The following ERBB4 variants were observed in gnomAD, a reference collection of about 807,000 sequenced individuals.
ERBB4 encodes the protein receptor tyrosine-protein kinase erbB-4.
A neutral mutation model predicts 158.0 loss-of-function variants in ERBB4; 42 were observed. The observed-to-expected ratio is 0.27, with a 90% confidence interval of 0.21 to 0.34. ERBB4 has a LOEUF of 0.34. ERBB4 is among the 10% of genes least tolerant of loss of function. ERBB4 has a pLI of 1.00. For missense variants in ERBB4, 1,333 were observed against 1,624.1 expected (o/e 0.82, Z 3.08); for synonymous variants, 583 against 558.7 (o/e 1.04, Z -0.61).
chr2:212,505,881 G>A (rs1201321867), intron 1 of ERBB4, among the ~76,000 whole-genome samples: 2 of 148,706 alleles, frequency 1.3e-5, no homozygotes, highest in Non-Finnish European at 3.0e-5. Flanking sequence ...GGTATATAGG[G>A]TAAAATAAAA....
At position 212,294,651 on chromosome 2, in the gene ERBB4, C is replaced by A. The variant is rs573628168; in HGVS notation, c.83-169748G>T. ...AACTATACTTACAATATAAAAAACT[C>A]TTCAAAAATTTACTTTTTAAAATTC... On this transcript the variant is annotated intron_variant, in intron 1 of 27. Coordinates refer to ENST00000342788, the MANE Select transcript of ERBB4 (RefSeq NM_005235.3). Among the ~76,000 whole-genome samples the A allele has an allele frequency of 1.8e-3, 277 of 152,046 alleles. 3 individuals are homozygous for A. The highest frequency in any genetic ancestry group is 6.4e-3 in the African/African-American group (265 of 41,518).
At chr2:211,959,007 T>C (rs1311012215) in intron 2 of ERBB4, among the ~76,000 whole-genome samples, 2 of 152,114 alleles carry the variant, frequency 1.3e-5, no homozygotes, top group African/African-American at 4.8e-5. Context: ...AAATTAATAA[T>C]GCAAATATAA....
At chr2:212,316,219 T>C (rs539411741) in intron 1 of ERBB4, among the ~76,000 whole-genome samples, 9 of 151,566 alleles carry the variant, frequency 5.9e-5, no homozygotes, top group Non-Finnish European at 1.2e-4. Context: ...TGGATGATTT[T>C]TTTTCTGTTA....
At chr2:211,451,328 G>T (rs949793055) in intron 20 of ERBB4, among the ~76,000 whole-genome samples, 12 of 152,192 alleles carry the variant, frequency 7.9e-5, no homozygotes, top group Admixed American at 1.3e-4. Flanking sequence ...AAGCATTCAG[G>T]ACGGAAGTCT....
intron 25 of ERBB4, among the ~76,000 whole-genome samples, chr2:211,397,651 T>C (rs1366615030): frequency 6.6e-6 from 1 of 152,122 alleles, no homozygotes; most frequent in South Asian, 2.1e-4. Flanking sequence ...CTGATCTCAG[T>C]GTTTCCCCAC....
At chr2:211,560,804 G>A (rs2067371054) in intron 20 of ERBB4, among the ~76,000 whole-genome samples, 1 of 152,070 alleles carries the variant, frequency 6.6e-6, no homozygotes, top group African/African-American at 2.4e-5. Flanking sequence ...ATGGTGTATA[G>A]AACTAAGCTG....
chr2:211,400,367 C>A (rs896386927), intron 25 of ERBB4, among the ~76,000 whole-genome samples: 8 of 152,118 alleles, frequency 5.3e-5, no homozygotes, highest in African/African-American at 1.9e-4. Flanking sequence ...GTATCCCTCA[C>A]ACAAAATCAA....
At position 211,882,226 on chromosome 2, in the gene ERBB4, A is replaced by C. The variant is rs142528878; in HGVS notation, c.421+65204T>G. 1.5e-4 allele frequency among the ~76,000 whole-genome samples: 23 copies of C among 152,312 alleles called. No homozygotes were observed. In the East Asian group the frequency reaches 4.1e-3, roughly 27 times the overall value. On this transcript the variant is annotated intron_variant, in intron 3 of 27. Coordinates refer to ENST00000342788, the MANE Select transcript of ERBB4 (RefSeq NM_005235.3). ...AAATAATAAAAAAATAAGAGTAGTC[A>C]TTATTCTCCAGTTAATAATGTGAAA... is the stretch of plus-strand genomic sequence containing the variant.
intron 1 of ERBB4, among the ~76,000 whole-genome samples, chr2:212,534,696 A>T (rs894183577): frequency 6.6e-6 from 1 of 152,196 alleles, no homozygotes; most frequent in African/African-American, 2.4e-5. Context: ...AAATACTAAG[A>T]TGTAAAGAGA....
intron 2 of ERBB4, among the ~76,000 whole-genome samples, chr2:212,111,098 C>T (rs2125539859): frequency 6.6e-6 from 1 of 152,270 alleles, no homozygotes; most frequent in East Asian, 1.9e-4. Context: ...GGCAACAATG[C>T]TCTGTCCTTC....
intron 1 of ERBB4, among the ~76,000 whole-genome samples, chr2:212,433,310 A>C (rs2092070417): frequency 6.6e-6 from 1 of 152,028 alleles, no homozygotes; most frequent in Non-Finnish European, 1.5e-5. Flanking sequence ...TGGAATCTGT[A>C]TAAAAGAAGA....
rs2063519696 is a variant in ERBB4 at position 211,421,780 on chromosome 2, A to G, written c.2964+227T>C. ...CTCTTTATGTATATGTATAATCATA[A>G]TTATCTGTTCAGTAGCAGAGCCACT... On this transcript the variant is annotated intron_variant, in intron 24 of 27. Coordinates refer to ENST00000342788, the MANE Select transcript of ERBB4 (RefSeq NM_005235.3). 2.0e-5 allele frequency among the ~76,000 whole-genome samples: 3 copies of G among 152,064 alleles called. No homozygotes were observed. The South Asian group carries it at 6.2e-4, about 31-fold the overall frequency.
intron 1 of ERBB4, among the ~76,000 whole-genome samples, chr2:212,519,091 A>G (rs1692005300): frequency 6.6e-6 from 1 of 152,030 alleles, no homozygotes; most frequent in South Asian, 2.1e-4. Context: ...GGAAAAATGA[A>G]AAACTTACAA....
At chr2:212,305,201 T>A (rs2086766892) in intron 1 of ERBB4, among the ~76,000 whole-genome samples, 1 of 151,354 alleles carries the variant, frequency 6.6e-6, no homozygotes, top group African/African-American at 2.4e-5. Context: ...GAACCAAATC[T>A]ATTCCCTAAG....
chr2:211,915,274 A>T (rs1017536067), intron 3 of ERBB4, among the ~76,000 whole-genome samples: 2 of 151,968 alleles, frequency 1.3e-5, no homozygotes, highest in Non-Finnish European at 2.9e-5. Flanking sequence ...GTAGCTAATG[A>T]TTTATTTTTC....
chr2:212,114,181 G>A (rs1384549346), intron 2 of ERBB4, among the ~76,000 whole-genome samples: 1 of 152,184 alleles, frequency 6.6e-6, no homozygotes, highest in African/African-American at 2.4e-5. Flanking sequence ...GTGCTACAAA[G>A]AAGCAGAGGG....
chr2:212,012,144 T>C lies in ERBB4; in HGVS notation c.235-64528A>G, dbSNP rs1425468040. On this transcript the variant is annotated intron_variant, in intron 2 of 27. Transcript: ENST00000342788. ...GTTATTGTTCTTATTACTACTCAAA[T>C]TGTCTTATCTCTAGCCAGGATTGTC... is the stretch of plus-strand genomic sequence containing the variant. Among the ~76,000 whole-genome samples the C allele has an allele frequency of 2.6e-5, 4 of 152,228 alleles. No individual in the cohort carries two copies. The East Asian group carries it at 7.7e-4, about 29-fold the overall frequency.
intron 25 of ERBB4, among the ~76,000 whole-genome samples, chr2:211,412,089 GA>G (rs1353235688): frequency 6.8e-6 from 1 of 146,668 alleles, no homozygotes; most frequent in African/African-American, 2.5e-5. Flanking sequence ...TGTTTTTCAG[GA>G]AGGCTAAGAG....
chr2:212,005,472 G>T (rs551690409), intron 2 of ERBB4, among the ~76,000 whole-genome samples: 2 of 152,120 alleles, frequency 1.3e-5, no homozygotes, highest in South Asian at 2.1e-4. Context: ...CTGTAATAGC[G>T]GGAGGTTATG....
Sources: gnomAD v4.1 joint callset for allele counts (sites outside exome capture counted in the v4.1 genomes callset) on GRCh38, gnomAD v4.1.1 for gene constraint, MANE v1.5 for transcripts, NCBI Gene and HGNC (gene_info 2026-07-23, HGNC 2026-07-21) for gene names.